MYO1F: variants seen among roughly 807,000 people sequenced by gnomAD.
The protein encoded by MYO1F is myosin IF.
In MYO1F, 60 loss-of-function variants were observed where a neutral mutation model predicts 146.6. That is an observed-to-expected ratio of 0.41 (90% CI 0.33 to 0.51). The LOEUF is 0.51. Among genes scored for constraint, MYO1F ranks in the 20% least tolerant of loss-of-function variants. The pLI is 0.25. For synonymous variants in MYO1F, 602 were observed against 602.1 expected (o/e 1.00, Z 0.00); for missense variants, 1,274 against 1,534.3 (o/e 0.83, Z 2.83).
At chr19:8,562,560 G>A (rs1285273975) in intron 1 of MYO1F, among the ~76,000 whole-genome samples, 1 of 151,924 alleles carries the variant, frequency 6.6e-6, no homozygotes, top group Admixed American at 6.6e-5. Flanking sequence ...TTTTGAGGCA[G>A]GGTCTTGCTC....
At chr19:8,558,756 C>A (rs949600821) in intron 1 of MYO1F, among the ~76,000 whole-genome samples, 2 of 152,092 alleles carry the variant, frequency 1.3e-5, no homozygotes, top group Non-Finnish European at 2.9e-5. Context: ...AGGCCAGGAG[C>A]TCCTGGAGAC....
chr19:8,521,273 T>G lies in MYO1F; in HGVS notation c.*255A>C. 1 of 542,518 alleles carries G rather than the reference T, an allele frequency of 1.8e-6. No homozygotes were observed. The highest frequency in any genetic ancestry group is 2.0e-5 in the South Asian group (1 of 50,468). The allele number at this position is 542,518 out of a possible 1,614,324, so 33.6% of individuals were successfully genotyped here. On this transcript the variant is annotated 3_prime_UTR_variant, in exon 28 of 28. Transcript: ENST00000644032. Reference sequence around the variant, plus strand: ...GGCAGTTGGGAGGTAGATTCTGCTGTTAGTCCCCTTTGACACACACAGAAA... The same window carrying G: ...GGCAGTTGGGAGGTAGATTCTGCTGGTAGTCCCCTTTGACACACACAGAAA...
intron 8 of MYO1F, among the ~76,000 whole-genome samples, chr19:8,551,233 A>G (rs963358543): frequency 5.3e-5 from 8 of 151,274 alleles, no homozygotes; most frequent in Non-Finnish European, 7.4e-5. Flanking sequence ...TGTATTCTTA[A>G]TAAAGATGGG....
intron 4 of MYO1F, among the ~76,000 whole-genome samples, chr19:8,553,894 A>ACACACTCTCTCTCTCTCTCT: frequency 1.9e-5 from 2 of 102,664 alleles, no homozygotes; most frequent in South Asian, 6.6e-4. Flanking sequence ...ACACACACAC[A>ACACACTCTCTCTCTCTCTCT]CTCTCTCTCT....
At position 8,555,678 on chromosome 19, in the gene MYO1F, A is replaced by T. The variant is rs1431187464; in HGVS notation, c.122T>A (p.Phe41Tyr). 1.2e-6 allele frequency: 2 copies of T among 1,613,974 alleles called. No individual in the cohort carries two copies. The highest frequency in any genetic ancestry group is 1.7e-6 in the Non-Finnish European group (2 of 1,180,032). The change falls in exon 2 of 28, where the codon TTC becomes TAC. Residue 41 changes from phenylalanine (F) to tyrosine (Y), a missense_variant. By Grantham distance (22) the Phe-to-Tyr change is conservative. Transcript: ENST00000644032. The stretch of plus-strand genomic sequence containing the variant: ...GGGTACGAAGATGTAGTCGTCCATG[A>T]AGCGCTTCCGGAGGTTGGCGGCAAT... ...DAIAANLRKR[F>Y]MDDYIFTYIG... is the part of the protein sequence containing the mutation.
In MYO1F at chr19:8,550,471, T is replaced by C. The variant is rs1973557356; in HGVS notation, c.904+91A>G. ...AGTGACACCCACATTTTTTTCCTCG[T>C]GGGCTTTCAGCTTCCTGGGGGCTGA... On this transcript the variant is annotated intron_variant, in intron 9 of 27. Transcript: ENST00000644032. 4.7e-5 allele frequency: 75 copies of C among 1,609,560 alleles called. No homozygotes were observed. In the South Asian group the frequency reaches 8.0e-4, roughly 17 times the overall value.
At chr19:8,563,935 C>T (rs1317005566) in intron 1 of MYO1F, among the ~76,000 whole-genome samples, 1 of 152,178 alleles carries the variant, frequency 6.6e-6, no homozygotes, top group African/African-American at 2.4e-5. Flanking sequence ...TGGCCTGACC[C>T]TAGCACTCTC....
chr19:8,536,061 A>C (rs1972693597), intron 19 of MYO1F, among the ~76,000 whole-genome samples, 191 bp downstream of exon 19: 1 of 150,514 alleles, frequency 6.6e-6, no homozygotes, highest in Admixed American at 6.6e-5. Context: ...TGCTTTCTCA[A>C]TTTCTCTCTC....
intron 19 of MYO1F, among the ~76,000 whole-genome samples, chr19:8,532,911 C>T (rs796862177): frequency 1.9e-4 from 23 of 122,082 alleles, no homozygotes; most frequent in African/African-American, 5.7e-4. Context: ...AATACACACA[C>T]ACACACACAC....
At chr19:8,524,303 C>A (rs1255128536) in intron 25 of MYO1F, among the ~76,000 whole-genome samples, 1 of 150,628 alleles carries the variant, frequency 6.6e-6, no homozygotes, top group East Asian at 1.9e-4. Flanking sequence ...GTAATCCCAG[C>A]TACTGGGGAG....
intron 1 of MYO1F, among the ~76,000 whole-genome samples, chr19:8,557,296 A>C (rs1195754516): frequency 6.6e-6 from 1 of 152,042 alleles, no homozygotes; most frequent in Admixed American, 6.6e-5. Flanking sequence ...ACAACCAAAC[A>C]AACAACAAAA....
intron 19 of MYO1F, among the ~76,000 whole-genome samples, chr19:8,534,268 C>A (rs916267421): frequency 2.6e-5 from 4 of 151,398 alleles, no homozygotes; most frequent in African/African-American, 9.7e-5. Flanking sequence ...TTCTTGATTA[C>A]TTTTTAAATA....
At chr19:8,575,997 T>A (rs2042232909) in intron 1 of MYO1F, among the ~76,000 whole-genome samples, 1 of 152,160 alleles carries the variant, frequency 6.6e-6, no homozygotes, top group Non-Finnish European at 1.5e-5. Context: ...GCCCAATTTC[T>A]CATCAGCTTT....
chr19:8,542,368 C>A (rs1253880845), intron 14 of MYO1F, among the ~76,000 whole-genome samples: 1 of 148,962 alleles, frequency 6.7e-6, no homozygotes, highest in Non-Finnish European at 1.5e-5. Context: ...GGGGGGGTCC[C>A]TGGGAGTCAG....
intron 1 of MYO1F, among the ~76,000 whole-genome samples, chr19:8,557,665 A>T (rs189861458): frequency 1.3e-4 from 20 of 152,042 alleles, no homozygotes; most frequent in African/African-American, 3.9e-4. Context: ...CTCACTTCCC[A>T]TGAAGGATGC....
At chr19:8,531,168 A>G (rs1568336162) in intron 19 of MYO1F, among the ~76,000 whole-genome samples, 1 of 151,676 alleles carries the variant, frequency 6.6e-6, no homozygotes, top group African/African-American at 2.4e-5. Flanking sequence ...ATCAACATGG[A>G]GAAACCCTGT....
intron 1 of MYO1F, among the ~76,000 whole-genome samples, chr19:8,556,042 A>G (rs977857696): frequency 3.3e-5 from 5 of 150,204 alleles, no homozygotes; most frequent in African/African-American, 9.8e-5. Flanking sequence ...TTATTTATTT[A>G]TTTTGAGACA....
At position 8,522,616 on chromosome 19, in the gene MYO1F, C is replaced by T. The variant is rs1357276006; in HGVS notation, c.3050+18G>A. 4 of 1,611,412 alleles carry T rather than the reference C, an allele frequency of 2.5e-6. No individual in the cohort carries two copies. Among genetic ancestry groups the T allele is most frequent in the Non-Finnish European group, 3.4e-6 (4 of 1,179,026 alleles). On this transcript the variant is annotated intron_variant, in intron 26 of 27. Coordinates refer to ENST00000644032, the MANE Select transcript of MYO1F (RefSeq NM_012335.4). The stretch of plus-strand genomic sequence containing the variant: ...ACCCCCTGCCCACCTCCTGGAGCTG[C>T]CCTCCCACCCCACCTACCCGGCCAT...
Position 8,541,954 on chromosome 19 carries a change from C to G in MYO1F, c.1562G>C (p.Arg521Pro). ...TATGAGGTCGGAGAAGAGAACGTCT[C>G]GGTTCCTCTCGCAGAAGCCGCTGAC... is the stretch of plus-strand genomic sequence containing the variant. ...YDVSGFCERN[R>P]DVLFSDLIEL... is the part of the protein sequence containing the mutation. Residue 521 changes from arginine (R) to proline (P), a missense_variant, in exon 15 of 28, where the codon CGA (arginine) becomes CCA (proline). By Grantham distance (103) the Arg-to-Pro change is moderately radical (BLOSUM62 -2). Around this residue, in one of 2 missense-constraint regions of MYO1F, gnomAD observed 900 missense variants for 1,155.1 expected, o/e 0.78. Transcript: ENST00000644032. 1 of 1,613,340 alleles carries G rather than the reference C, an allele frequency of 6.2e-7. No homozygotes were observed. Among genetic ancestry groups the G allele is most frequent in the Non-Finnish European group, 8.5e-7 (1 of 1,179,892 alleles).
Sources: allele counts gnomAD v4.1 joint callset (sites outside exome capture counted in the v4.1 genomes callset), GRCh38; gene constraint gnomAD v4.1.1; regional missense constraint gnomAD v4.1.1; transcripts MANE v1.5; gene names NCBI Gene and HGNC (gene_info 2026-07-23, HGNC 2026-07-21).